CLMP: variants seen among roughly 807,000 people sequenced by gnomAD.
The protein encoded by CLMP is CXADR-like membrane protein.
In CLMP, 27 loss-of-function variants were observed where a neutral mutation model predicts 45.2. The observed-to-expected ratio is 0.60, with a 90% CI of 0.44 to 0.82. CLMP has a LOEUF of 0.82. Ranked by LOEUF, CLMP falls within the 40% of genes least tolerant of loss-of-function variation. CLMP has a pLI of 0.00. For missense variants in CLMP, 403 were observed against 448.4 expected (o/e 0.90, Z 0.91); for synonymous variants, 167 against 171.4 (o/e 0.97, Z 0.20).
chr11:123,095,202 A>G (rs1344660102), intron 2 of CLMP, among the ~76,000 whole-genome samples: 2 of 152,206 alleles, frequency 1.3e-5, no homozygotes, highest in African/African-American at 2.4e-5. Flanking sequence ...TCACTTGGCT[A>G]TATAACCAAG....
intron 1 of CLMP, among the ~76,000 whole-genome samples, chr11:123,150,501 A>C (rs539593697): frequency 4.1e-4 from 53 of 128,358 alleles, no homozygotes; most frequent in South Asian, 2.8e-3. Flanking sequence ...GGAAGGAAGG[A>C]AGGAAGGAAG....
At chr11:123,121,525 T>C (rs896708629) in intron 1 of CLMP, among the ~76,000 whole-genome samples, 47 of 152,276 alleles carry the variant, frequency 3.1e-4, no homozygotes, top group African/African-American at 1.1e-3. Flanking sequence ...CTGGAATTCC[T>C]GGCCTCAAGT....
intron 5 of CLMP, among the ~76,000 whole-genome samples, chr11:123,079,708 G>A (rs1210143270): frequency 6.6e-6 from 1 of 152,216 alleles, no homozygotes; most frequent in Non-Finnish European, 1.5e-5. Flanking sequence ...ACCTCCCAAA[G>A]TGCTGGGATT....
intron 1 of CLMP, among the ~76,000 whole-genome samples, chr11:123,167,583 C>T (rs935499966): frequency 1.6e-4 from 25 of 152,134 alleles, no homozygotes; most frequent in African/African-American, 5.8e-4. Flanking sequence ...CCACGCCCCG[C>T]CGAAAGACAG....
intron 2 of CLMP, among the ~76,000 whole-genome samples, chr11:123,093,872 C>G (rs1267712321): frequency 6.6e-6 from 1 of 152,118 alleles, no homozygotes; most frequent in Non-Finnish European, 1.5e-5. Flanking sequence ...GATGGAGCAG[C>G]TCAACTTTCT....
chr11:123,163,598 C>A (rs899265340), intron 1 of CLMP, among the ~76,000 whole-genome samples: 12 of 152,326 alleles, frequency 7.9e-5, no homozygotes, highest in Admixed American at 6.5e-4. Flanking sequence ...CCACCCAGAT[C>A]CCTACTAAAT....
chr11:123,132,262 G>C (rs974821091), intron 1 of CLMP, among the ~76,000 whole-genome samples: 3 of 152,086 alleles, frequency 2.0e-5, no homozygotes, highest in African/African-American at 7.2e-5. Context: ...CCGGTGAGTG[G>C]GCAGCTGCCC....
At chr11:123,081,535 A>G (rs948147999) in intron 5 of CLMP, among the ~76,000 whole-genome samples, 1 of 152,216 alleles carries the variant, frequency 6.6e-6, no homozygotes. Context: ...CCCTGTTCCT[A>G]GGCAGTTGTA....
chr11:123,117,646 C>T (rs1428822631), intron 1 of CLMP, among the ~76,000 whole-genome samples: 1 of 151,968 alleles, frequency 6.6e-6, no homozygotes, highest in Non-Finnish European at 1.5e-5. Flanking sequence ...AGGCTGGTCT[C>T]GAACTCCTAA....
At chr11:123,153,483 A>G (rs1861369366) in intron 1 of CLMP, among the ~76,000 whole-genome samples, 1 of 152,138 alleles carries the variant, frequency 6.6e-6, no homozygotes, top group Non-Finnish European at 1.5e-5. Flanking sequence ...GCCCCTTAAT[A>G]AAGCTAAGGT....
chr11:123,072,181 A>G lies in CLMP; in HGVS notation c.*1293T>C, dbSNP rs553851209. ...TGCAGTGCCATTAGAAGCATTGGCA[A>G]TCCCTGATCTTTTTGATAGTTTAAG... On this transcript the variant is annotated 3_prime_UTR_variant, in exon 7 of 7. Transcript: ENST00000448775. The G allele has an allele frequency of 7.2e-5, 11 of 152,338 alleles. No homozygotes were observed. Among genetic ancestry groups the G allele is most frequent in the African/African-American group, 2.6e-4 (11 of 41,590 alleles). 9.4% of individuals were successfully genotyped at this position (152,338 alleles called of 1,614,324 possible). A position where few individuals can be genotyped will look rare whatever the true frequency, so the allele number is the denominator to read the frequency against.
intron 1 of CLMP, among the ~76,000 whole-genome samples, chr11:123,148,771 C>A (rs747039841): frequency 2.0e-5 from 3 of 152,208 alleles, no homozygotes; most frequent in African/African-American, 7.2e-5. Flanking sequence ...TAGTCAATTG[C>A]GTGCATGGCC....
At chr11:123,147,672 G>C (rs1440339667) in intron 1 of CLMP, among the ~76,000 whole-genome samples, 2 of 152,186 alleles carry the variant, frequency 1.3e-5, no homozygotes, top group African/African-American at 4.8e-5. Flanking sequence ...GAATGTCAGT[G>C]CCTGCAGGGT....
At chr11:123,154,767 T>C (rs543684214) in intron 1 of CLMP, among the ~76,000 whole-genome samples, 1 of 152,306 alleles carries the variant, frequency 6.6e-6, no homozygotes, top group African/African-American at 2.4e-5. Flanking sequence ...ACTGAAATGA[T>C]TATAATCCAT....
At chr11:123,150,395 G>A (rs1390617618) in intron 1 of CLMP, among the ~76,000 whole-genome samples, 2 of 130,472 alleles carry the variant, frequency 1.5e-5, no homozygotes, top group Admixed American at 8.1e-5. Context: ...CCAAAAAGAT[G>A]AACAAAAGAA....
chr11:123,166,843 G>T (rs573759041), intron 1 of CLMP, among the ~76,000 whole-genome samples: 3 of 152,252 alleles, frequency 2.0e-5, no homozygotes, highest in Admixed American at 2.0e-4. Flanking sequence ...TTATCACCCG[G>T]ATTTGATCGT....
At chr11:123,116,035 C>T (rs879925954) in intron 1 of CLMP, among the ~76,000 whole-genome samples, 24 of 152,166 alleles carry the variant, frequency 1.6e-4, no homozygotes, top group Admixed American at 1.6e-3. Context: ...TTTCAATCCT[C>T]ACCATATGGA....
rs115100166 is a variant in CLMP at position 123,170,895 on chromosome 11, G to C, written c.28+24018C>G. ...GTTCATCACGGGGCGAGGACTCTGT[G>C]CCAGGCACTGGGCAAACCAAGACGA... is the stretch of plus-strand genomic sequence containing the variant. On this transcript the variant is annotated intron_variant, in intron 1 of 6. Coordinates refer to ENST00000448775, the MANE Select transcript of CLMP (RefSeq NM_024769.5). Among the ~76,000 whole-genome samples, 412 of 152,308 alleles carry C rather than the reference G, an allele frequency of 2.7e-3. 1 individual carries two copies. Among genetic ancestry groups the C allele is most frequent in the African/African-American group, 9.6e-3 (401 of 41,558 alleles).
chr11:123,133,651 G>A (rs563500709), intron 1 of CLMP, among the ~76,000 whole-genome samples: 36 of 152,204 alleles, frequency 2.4e-4, no homozygotes, highest in African/African-American at 8.4e-4. Context: ...GGCATATTGA[G>A]TATTTTAAGC....
Sources: allele counts gnomAD v4.1 joint callset (sites outside exome capture counted in the v4.1 genomes callset), GRCh38; gene constraint gnomAD v4.1.1; transcripts MANE v1.5; gene names NCBI Gene and HGNC (gene_info 2026-07-23, HGNC 2026-07-21).